TEX15: variants seen among roughly 807,000 people sequenced by gnomAD.
The protein encoded by TEX15 is testis expressed 15, meiosis and synapsis associated, also known as testis-expressed protein 15.
In TEX15, 171 loss-of-function variants were observed where a neutral mutation model predicts 237.3. That is an observed-to-expected ratio of 0.72 (90% CI 0.64 to 0.82). The LOEUF is 0.82. TEX15 is among the 40% of genes least tolerant of loss of function. TEX15 has a pLI of 0.00. For synonymous variants in TEX15, 1,338 were observed against 1,269.8 expected, an observed-to-expected ratio of 1.05 and a Z score of -1.14; for missense variants, 3,750 against 3,646.5, an observed-to-expected ratio of 1.03 and a Z score of -0.73.
rs1455850036 is a variant in TEX15, at chr8:30,837,018, G to C, written c.9266C>G (p.Ser3089Cys). Residue 3089 changes from serine to cysteine, a missense_variant, in exon 10 of 11, where the codon TCT becomes TGT. Coordinates refer to ENST00000643185, the MANE Select transcript of TEX15 (RefSeq NM_001350162.2). ...TVASTAQGTH[S>C]NLLYSQYFTY... The stretch of plus-strand genomic sequence containing the variant: ...AAAATATTGAGAGTACAGAAGATTA[G>C]AATGTGTGCCCTGGGCAGTACTTGC... 1.9e-6 allele frequency: 3 copies of C among 1,613,994 alleles called. No homozygotes were observed. Among genetic ancestry groups the C allele is most frequent in the East Asian group, 2.2e-5 (1 of 44,892 alleles).
chr8:30,879,973 T>C (rs574746807), intron 3 of TEX15, among the ~76,000 whole-genome samples: 26 of 152,206 alleles, frequency 1.7e-4, no homozygotes, highest in Non-Finnish European at 2.9e-4. Flanking sequence ...GTTTATAACA[T>C]AGAAACCTTA....
chr8:30,905,478 C>T (rs529146453), intron 1 of TEX15, among the ~76,000 whole-genome samples: 1 of 151,966 alleles, frequency 6.6e-6, no homozygotes, highest in African/African-American at 2.4e-5. Flanking sequence ...CAAATTTGTA[C>T]CAAGCAAAAA....
rs1358494837 is a variant in TEX15 at position 30,874,953 on chromosome 8, T to C, written c.286A>G (p.Asn96Asp). Residue 96 changes from asparagine to aspartate, a missense_variant, in exon 4 of 11, where the codon AAT becomes GAT. Coordinates refer to ENST00000643185, the MANE Select transcript of TEX15 (RefSeq NM_001350162.2). The part of the protein sequence containing the change: ...KLVHNEELEK[N>D]FTAKRSEMRE... ...GTAACTTACCTCTTAGCAGTAAAAT[T>C]TTTTTCCAGTTCCTCATTGTGAACC... is the stretch of plus-strand genomic sequence containing the variant. 4 of 1,338,894 alleles carry C rather than the reference T, an allele frequency of 3.0e-6. No individual in the cohort carries two copies. The highest frequency in any genetic ancestry group is 2.7e-5 in the East Asian group (1 of 36,966). The allele number at this position is 1,338,894 out of a possible 1,614,324, so 82.9% of individuals were successfully genotyped here.
rs117362953 is a variant in TEX15 at position 30,845,223 on chromosome 8, G to A, written c.4944C>T (p.Asp1648=). The change falls in exon 8 of 11, where the codon GAC becomes GAT. Residue 1648 remains aspartate (D), a synonymous_variant. Transcript: ENST00000643185. ...TCIGHTKAKT[D]VLISVLDSNV... Reference sequence around the variant, plus strand: ...TTGAATCTAAGACTGATATAAGTACGTCAGTTTTCGCCTTTGTGTGACCTA... The same window carrying A: ...TTGAATCTAAGACTGATATAAGTACATCAGTTTTCGCCTTTGTGTGACCTA... 3.8e-5 allele frequency: 61 copies of A among 1,613,408 alleles called. No homozygotes were observed. The highest frequency in any genetic ancestry group is 2.5e-4 in the South Asian group (23 of 91,064).
At chr8:30,868,006 T>G (rs755145109) in intron 4 of TEX15, among the ~76,000 whole-genome samples, 1 of 152,048 alleles carries the variant, frequency 6.6e-6, no homozygotes, top group Non-Finnish European at 1.5e-5. Context: ...ATGCATTTTC[T>G]AAACAAAGTA....
At chr8:30,836,204 C>CTT (rs1563225631) in intron 10 of TEX15, among the ~76,000 whole-genome samples, 67 of 18,802 alleles carry the variant, frequency 3.6e-3, no homozygotes, top group East Asian at 0.014. Context: ...TTCACTGTAT[C>CTT]GTTTTTTTTT....
intron 7 of TEX15, among the ~76,000 whole-genome samples, chr8:30,857,475 G>A (rs935684801): frequency 5.9e-5 from 9 of 152,022 alleles, no homozygotes; most frequent in African/African-American, 1.2e-4. Context: ...ATGAGAATAC[G>A]AAGACACAAA....
chr8:30,853,917 G>T (rs747218096), intron 7 of TEX15, among the ~76,000 whole-genome samples: 2 of 151,512 alleles, frequency 1.3e-5, no homozygotes, highest in Non-Finnish European at 2.9e-5. Context: ...ATGAATTAAA[G>T]AATAAATCAA....
intron 2 of TEX15, among the ~76,000 whole-genome samples, chr8:30,896,987 G>C (rs1808918254): frequency 6.6e-6 from 1 of 152,084 alleles, no homozygotes. Context: ...GCCAACCAGT[G>C]ACAAGTAGCT....
intron 8 of TEX15, 57 bp from the exon 9 acceptor site, chr8:30,840,021 A>G: frequency 2.9e-6 from 3 of 1,049,760 alleles, no homozygotes; most frequent in Middle Eastern, 3.0e-4. Context: ...TATAATAAAA[A>G]TAATTATTAT....
chr8:30,851,672 T>C (rs756566301), intron 7 of TEX15, among the ~76,000 whole-genome samples: 36 of 150,398 alleles, frequency 2.4e-4, no homozygotes, highest in Admixed American at 2.0e-3. Context: ...TATATACCAA[T>C]GTGGGAAAAG....
In TEX15 at chr8:30,844,072, T is replaced by C. The variant is rs534601692; in HGVS notation, c.6095A>G (p.Glu2032Gly). 1.2e-6 allele frequency: 2 copies of C among 1,612,022 alleles called. No homozygotes were observed. Among genetic ancestry groups the C allele is most frequent in the South Asian group, 2.2e-5 (2 of 90,528 alleles). The change falls in exon 8 of 11, where the codon GAA becomes GGA. Residue 2032 changes from glutamate to glycine, a missense_variant. Physicochemically the swap from Glu to Gly is moderately conservative, Grantham distance 98. Coordinates refer to ENST00000643185, the MANE Select transcript of TEX15 (RefSeq NM_001350162.2). ...ACATTCTTGCTTTCTTTCAAAAGCT[T>C]CCACAAATAAAGGGAGAATATTTAG... Reference protein sequence around the residue: ...VCLNILPLFVEAFERKQECSV... With the variant: ...VCLNILPLFVGAFERKQECSV...
intron 3 of TEX15, among the ~76,000 whole-genome samples, 170 bp from the exon 4 acceptor site, chr8:30,875,272 A>G (rs771069218): frequency 2.6e-5 from 4 of 152,216 alleles, no homozygotes; most frequent in Non-Finnish European, 5.9e-5. Flanking sequence ...TAGACCTCCT[A>G]TACTTGATAT....
intron 1 of TEX15, among the ~76,000 whole-genome samples, chr8:30,904,805 A>G (rs1403053257): frequency 6.6e-6 from 1 of 152,218 alleles, no homozygotes; most frequent in Non-Finnish European, 1.5e-5. Context: ...TATGAAAAAC[A>G]TAGCTGCTGA....
intron 2 of TEX15, among the ~76,000 whole-genome samples, chr8:30,889,694 CT>C: frequency 6.6e-6 from 1 of 151,930 alleles, no homozygotes; most frequent in East Asian, 1.9e-4. Flanking sequence ...CAGTTATTAC[CT>C]TTTAAGTAGG....
intron 9 of TEX15, 95 bp downstream of exon 9, chr8:30,839,811 T>A: frequency 1.4e-6 from 1 of 715,510 alleles, no homozygotes; most frequent in Middle Eastern, 2.6e-4. Context: ...TATGATCCAA[T>A]GACATTATAT....
At chr8:30,898,419 A>G (rs758134566) in intron 2 of TEX15, among the ~76,000 whole-genome samples, 1 of 152,262 alleles carries the variant, frequency 6.6e-6, no homozygotes, top group Non-Finnish European at 1.5e-5. Context: ...GAAAGCACCC[A>G]TCATCCCAGA....
chr8:30,861,836 A>G (rs1477682871), intron 5 of TEX15, among the ~76,000 whole-genome samples: 1 of 152,168 alleles, frequency 6.6e-6, no homozygotes, highest in Non-Finnish European at 1.5e-5. Context: ...GTCAACGCAG[A>G]AAAAGGGAAA....
intron 4 of TEX15, among the ~76,000 whole-genome samples, chr8:30,870,687 C>T (rs1027563568): frequency 6.6e-6 from 1 of 151,980 alleles, no homozygotes; most frequent in East Asian, 1.9e-4. Context: ...AGAACCAAAA[C>T]GCTGACAGCT....
Sources: gnomAD v4.1 joint callset for allele counts (sites outside exome capture counted in the v4.1 genomes callset) on GRCh38, gnomAD v4.1.1 for gene constraint, MANE v1.5 for transcripts, NCBI Gene and HGNC (gene_info 2026-07-23, HGNC 2026-07-21) for gene names.